LIMD1: variants seen among roughly 807,000 people sequenced by gnomAD.
The protein encoded by LIMD1 is LIM domain-containing protein 1.
LIMD1 carries 23 observed loss-of-function variants against 58.4 expected under a neutral mutation model. The ratio of observed to expected loss-of-function variants is 0.39; its 90% CI spans 0.28 to 0.56. The LOEUF is 0.56. Ranked by LOEUF, LIMD1 falls within the 20% of genes least tolerant of loss-of-function variation. The pLI, the probability that LIMD1 is intolerant of heterozygous loss-of-function variation, is 0.57. For synonymous variants in LIMD1, 334 were observed against 345.5 expected (o/e 0.97, Z 0.37); for missense variants, 838 against 855.5 (o/e 0.98, Z 0.25).
At chr3:45,613,638 TGTAAGACTTTGGG>T (rs1701549954) in intron 1 of LIMD1, among the ~76,000 whole-genome samples, 1 of 151,608 alleles carries the variant, frequency 6.6e-6, no homozygotes. Context: ...ATTGTTTTTG[TGTAAGACTTTGGG>T]TTTTTTTTTT....
At position 45,683,055 on chromosome 3, in the gene LIMD1, T is replaced by C. The variant is rs2742411; in HGVS notation, c.*5996T>C. ...TGGCTTGTGGCTGCATCATTCTGGC[T>C]GCTTCTATTGTCACACCTCCTCTCT... On this transcript the variant is annotated 3_prime_UTR_variant, in exon 8 of 8. Transcript: ENST00000273317. 0.31 allele frequency: 47,122 copies of C among 152,426 alleles called. 9,054 individuals carry two copies. Among genetic ancestry groups the C allele is most frequent in the Middle Eastern group, 0.48 (143 of 296 alleles). 9.4% of individuals were successfully genotyped at this position (152,426 alleles called of 1,614,324 possible).
rs1701336098 is a variant in LIMD1 at position 45,595,473 on chromosome 3, C to T, written c.594C>T (p.Pro198=). 1 of 1,613,840 alleles carries T rather than the reference C, an allele frequency of 6.2e-7. No individual in the cohort carries two copies. The highest frequency in any genetic ancestry group is 8.5e-7 in the Non-Finnish European group (1 of 1,179,832). ...GGGGTGACAAACCAGGAGTGTCCCC[C>T]AGCATCGGCCTGAGTGTAGGGAGTG... The part of the protein sequence containing the change: ...PKWGDKPGVS[P]SIGLSVGSGW... The change falls in exon 1 of 8, where the codon CCC becomes CCT. Residue 198 remains proline (P), a synonymous_variant. Coordinates refer to ENST00000273317, the MANE Select transcript of LIMD1 (RefSeq NM_014240.3).
In LIMD1 at chr3:45,663,725, TTTTAA is replaced by T. The variant is rs201780277; in HGVS notation, c.1511-1920_1511-1916del. ...CTTTGTGTCTTAGGTACTAATACTA[TTTTAA>T]TTTATTTTATTTATTTATTTTTGAG... On this transcript the variant is annotated intron_variant, in intron 2 of 7. Transcript: ENST00000273317. 7.9e-3 allele frequency among the ~76,000 whole-genome samples: 1,204 copies of T among 152,128 alleles called. 9 individuals carry two copies. The highest frequency in any genetic ancestry group is 0.026 in the African/African-American group (1,064 of 41,504).
In LIMD1 at chr3:45,684,583, T is replaced by C. The variant is rs944689235; in HGVS notation, c.*7524T>C. 6.6e-6 allele frequency: 1 copy of C among 152,206 alleles called. No individual in the cohort carries two copies. Among genetic ancestry groups the C allele is most frequent in the African/African-American group, 2.4e-5 (1 of 41,450 alleles). The allele number at this position is 152,206 out of a possible 1,614,324, so 9.4% of individuals were successfully genotyped here. ...GACTCCGAATGGATCTCCCCATTCC[T>C]GGCGGGAAGCAGACTGATATATAGA... is the stretch of plus-strand genomic sequence containing the variant. On this transcript the variant is annotated 3_prime_UTR_variant, in exon 8 of 8. Coordinates refer to ENST00000273317, the MANE Select transcript of LIMD1 (RefSeq NM_014240.3).
rs748586029 is a variant in LIMD1, at chr3:45,612,065, TGC to T, written c.1408+15783_1408+15784del. Among the ~76,000 whole-genome samples the T allele has an allele frequency of 5.4e-4, 74 of 137,544 alleles. No individual in the cohort carries two copies. The East Asian group carries it at 6.4e-3, about 12-fold the overall frequency. 90.2% of individuals were successfully genotyped at this position (137,544 alleles called of 152,430 possible). On this transcript the variant is annotated intron_variant, in intron 1 of 7. Coordinates refer to ENST00000273317, the MANE Select transcript of LIMD1 (RefSeq NM_014240.3). ...GCCCAGCTCTGTCATGGTTTGCAGG[TGC>T]GCGCTCTCTCTCTCTCTCTCTCTCT...
chr3:45,661,612 A>T (rs1225762351), intron 2 of LIMD1, among the ~76,000 whole-genome samples: 26 of 152,224 alleles, frequency 1.7e-4, no homozygotes. Context: ...CATTTAATAC[A>T]AATTTCTCTC....
intron 1 of LIMD1, chr3:45,632,492 C>T: frequency 1.0e-6 from 1 of 985,180 alleles, no homozygotes; most frequent in Non-Finnish European, 1.2e-6. Flanking sequence ...GACCCTGGGC[C>T]TTGGAATGAA....
At chr3:45,669,917 G>T (rs1196789135) in intron 4 of LIMD1, among the ~76,000 whole-genome samples, 2 of 152,170 alleles carry the variant, frequency 1.3e-5, no homozygotes, top group African/African-American at 4.8e-5. Flanking sequence ...ACTCATTTCT[G>T]CTGGTTATAT....
chr3:45,619,823 C>G (rs1329474345), intron 1 of LIMD1, among the ~76,000 whole-genome samples: 1 of 39,688 alleles, frequency 2.5e-5, no homozygotes, highest in East Asian at 1.4e-3. Flanking sequence ...AATAACCAAC[C>G]CCCCGCCCCC....
chr3:45,603,581 C>T (rs1433838661), intron 1 of LIMD1, among the ~76,000 whole-genome samples: 1 of 152,184 alleles, frequency 6.6e-6, no homozygotes, highest in Non-Finnish European at 1.5e-5. Context: ...TTGTCAGTGA[C>T]ATTCAAGACT....
Position 45,595,911 on chromosome 3 carries a change from C to T in LIMD1, c.1032C>T (p.Tyr344=). The T allele has an allele frequency of 6.2e-7, 1 of 1,614,220 alleles. No individual in the cohort carries two copies. The highest frequency in any genetic ancestry group is 8.5e-7 in the Non-Finnish European group (1 of 1,180,038). The part of the protein sequence containing the change: ...QPWFQDGPKS[Y]LSSSAPSSSP... The stretch of plus-strand genomic sequence containing the variant: ...GGTTCCAGGATGGGCCCAAATCTTA[C>T]CTTTCCAGTTCTGCCCCGTCATCCT... The change falls in exon 1 of 8, where the codon TAC becomes TAT. Residue 344 remains tyrosine, a synonymous_variant. Coordinates refer to ENST00000273317, the MANE Select transcript of LIMD1 (RefSeq NM_014240.3).
chr3:45,676,990 T>C lies in LIMD1; in HGVS notation c.1962T>C (p.Cys654=). 1 of 1,614,046 alleles carries C rather than the reference T, an allele frequency of 6.2e-7. No homozygotes were observed. The highest frequency in any genetic ancestry group is 1.3e-5 in the African/African-American group (1 of 75,048). Residue 654 remains cysteine (C), a synonymous_variant, in exon 8 of 8, where the codon TGT becomes TGC. Coordinates refer to ENST00000273317, the MANE Select transcript of LIMD1 (RefSeq NM_014240.3). ...RCYPLEDHLF[C]HSCHVKRLEK... ...ATCCGCTGGAGGACCACCTGTTCTG[T>C]CACTCCTGCCACGTGAAGAGGCTGG... is the stretch of plus-strand genomic sequence containing the variant.
At chr3:45,628,321 CAGTA>C (rs1427647923) in intron 1 of LIMD1, among the ~76,000 whole-genome samples, 1 of 151,766 alleles carries the variant, frequency 6.6e-6, no homozygotes, top group East Asian at 1.9e-4. Flanking sequence ...GTTCTCATAA[CAGTA>C]AGAAAAAAAA....
intron 2 of LIMD1, among the ~76,000 whole-genome samples, chr3:45,659,739 A>G (rs1259792926): frequency 6.6e-6 from 1 of 152,148 alleles, no homozygotes; most frequent in African/African-American, 2.4e-5. Flanking sequence ...CCATTCCTCT[A>G]AGGCTGCCAG....
intron 6 of LIMD1, chr3:45,673,901 AAAAAAAAC>A: frequency 8.1e-6 from 2 of 247,922 alleles, no homozygotes; most frequent in Non-Finnish European, 1.6e-5. Context: ...AAAAAAAACC[AAAAAAAAC>A]CCCACTTCAC....
At chr3:45,652,678 A>G (rs1158402672) in intron 2 of LIMD1, among the ~76,000 whole-genome samples, 2 of 152,210 alleles carry the variant, frequency 1.3e-5, no homozygotes, top group Non-Finnish European at 2.9e-5. Context: ...GCTGGTGGGA[A>G]TAGGCACTGT....
Position 45,676,619 on chromosome 3 carries a change from C to T in LIMD1, c.1894-303C>T, listed in dbSNP as rs1325283935. Among the ~76,000 whole-genome samples the T allele has an allele frequency of 2.6e-5, 4 of 152,346 alleles. No homozygotes were observed. The East Asian group carries it at 7.7e-4, about 29-fold the overall frequency. On this transcript the variant is annotated intron_variant, in intron 7 of 7. Transcript: ENST00000273317. ...GCTTCCAGCTTCATCCATGTCCCTG[C>T]AAAGGACATGATCTCATTCCTTTTT...
intron 3 of LIMD1, among the ~76,000 whole-genome samples, chr3:45,667,693 C>A (rs1316725428): frequency 2.0e-5 from 3 of 151,684 alleles, no homozygotes; most frequent in Non-Finnish European, 4.4e-5. Context: ...GCTTTTTAAC[C>A]AGAACCGGAG....
At chr3:45,639,066 C>T (rs1005546646) in intron 2 of LIMD1, among the ~76,000 whole-genome samples, 5 of 152,156 alleles carry the variant, frequency 3.3e-5, no homozygotes, top group African/African-American at 7.2e-5. Flanking sequence ...ACAGAGGTCT[C>T]GCTGTGTTGC....
Sources: gnomAD v4.1 joint callset for allele counts (sites outside exome capture counted in the v4.1 genomes callset) on GRCh38, gnomAD v4.1.1 for gene constraint, MANE v1.5 for transcripts, NCBI Gene and HGNC (gene_info 2026-07-23, HGNC 2026-07-21) for gene names.